Variants in SPTSSA observed in about 807,000 individuals in gnomAD.
SPTSSA encodes small subunit of serine palmitoyltransferase A.
Under a neutral mutation model 9.1 loss-of-function variants are expected in SPTSSA, and 8 were observed. That is an observed-to-expected ratio of 0.88 (90% confidence interval 0.51 to 1.58). The LOEUF (loss-of-function observed/expected upper bound fraction) is 1.58, where lower values mean the gene tolerates loss of function less well. Among genes scored for constraint, SPTSSA ranks in the 40% most tolerant of loss-of-function variants. SPTSSA has a pLI of 0.00. For synonymous variants in SPTSSA, 42 were observed against 37.7 expected, an observed-to-expected ratio of 1.11 and a Z score of -0.41; for missense variants, 100 against 93.8, an observed-to-expected ratio of 1.07 and a Z score of -0.27.
At chr14:34,443,846 T>A (rs1477506821) in intron 1 of SPTSSA, among the ~76,000 whole-genome samples, 1 of 152,080 alleles carries the variant, frequency 6.6e-6, no homozygotes, top group Non-Finnish European at 1.5e-5. Flanking sequence ...GAGTATACTT[T>A]CATAAATAAA....
intron 1 of SPTSSA, among the ~76,000 whole-genome samples, chr14:34,447,921 A>G (rs1395288818): frequency 2.0e-5 from 3 of 152,188 alleles, no homozygotes; most frequent in Admixed American, 2.0e-4. Context: ...CAAAGGTTCC[A>G]GCCAATTCCA....
At chr14:34,450,015 T>A (rs1273505411) in intron 1 of SPTSSA, among the ~76,000 whole-genome samples, 1 of 152,186 alleles carries the variant, frequency 6.6e-6, no homozygotes, top group Non-Finnish European at 1.5e-5. Context: ...GAGACCCAGG[T>A]TTGAGTCATA....
chr14:34,455,439 G>A (rs1262953657), intron 1 of SPTSSA, among the ~76,000 whole-genome samples: 2 of 152,172 alleles, frequency 1.3e-5, no homozygotes, highest in Admixed American at 1.3e-4. Flanking sequence ...AATATCTCAG[G>A]AGAGATGCAT....
At chr14:34,450,386 G>A (rs112352774) in intron 1 of SPTSSA, among the ~76,000 whole-genome samples, 1,661 of 152,142 alleles carry the variant, frequency 0.011, 33 homozygotes, top group African/African-American at 0.038. Context: ...CCTGTCAATC[G>A]TCCATAAAGC....
intron 1 of SPTSSA, among the ~76,000 whole-genome samples, chr14:34,453,198 G>T (rs989828906): frequency 1.3e-5 from 2 of 152,192 alleles, no homozygotes; most frequent in Admixed American, 6.5e-5. Flanking sequence ...CTGCCTGCAG[G>T]GTGAGGATGA....
chr14:34,451,567 C>CA (rs1883523194), intron 1 of SPTSSA, among the ~76,000 whole-genome samples: 1 of 151,926 alleles, frequency 6.6e-6, no homozygotes, highest in South Asian at 2.1e-4. Flanking sequence ...ACTAAAAATA[C>CA]AAAAAATTAG....
intron 1 of SPTSSA, among the ~76,000 whole-genome samples, chr14:34,457,986 AAAAAC>A (rs1878520015): frequency 6.8e-6 from 1 of 147,230 alleles, no homozygotes; most frequent in Non-Finnish European, 1.5e-5. Flanking sequence ...AAAAAAAAAA[AAAAAC>A]AAAGAAAAGA....
At chr14:34,457,612 A>G (rs1878510809) in intron 1 of SPTSSA, among the ~76,000 whole-genome samples, 1 of 152,202 alleles carries the variant, frequency 6.6e-6, no homozygotes, top group Admixed American at 6.5e-5. Flanking sequence ...TGCACATGGA[A>G]AAAGTTCAAA....
At chr14:34,451,426 T>G (rs945704516) in intron 1 of SPTSSA, among the ~76,000 whole-genome samples, 1 of 152,136 alleles carries the variant, frequency 6.6e-6, no homozygotes, top group Non-Finnish European at 1.5e-5. Flanking sequence ...AAATTTCTTT[T>G]GTAAAATCAA....
chr14:34,432,829 T>C lies in SPTSSA; in HGVS notation c.*2372A>G, dbSNP rs1004358225. ...TAATTCTTTAATTAAGATAGGTATA[T>C]TGGGTGTTTTTTTTTTTTAGCCATA... On this transcript the variant is annotated 3_prime_UTR_variant, in exon 2 of 2. Coordinates refer to ENST00000298130, the MANE Select transcript of SPTSSA (RefSeq NM_138288.4). The C allele has an allele frequency of 1.3e-5, 2 of 151,636 alleles. No individual in the cohort carries two copies. The highest frequency in any genetic ancestry group is 4.9e-5 in the African/African-American group (2 of 41,232). 9.4% of individuals were successfully genotyped at this position (151,636 alleles called of 1,614,324 possible).
intron 1 of SPTSSA, among the ~76,000 whole-genome samples, chr14:34,457,588 G>A (rs1878510166): frequency 1.3e-5 from 2 of 152,150 alleles, no homozygotes; most frequent in East Asian, 3.8e-4. Context: ...TTCTCTGTAA[G>A]ATAGAAACAT....
At chr14:34,455,111 G>A (rs1473901811) in intron 1 of SPTSSA, among the ~76,000 whole-genome samples, 1 of 151,928 alleles carries the variant, frequency 6.6e-6, no homozygotes, top group Non-Finnish European at 1.5e-5. Flanking sequence ...ATAGGAGCCG[G>A]GCTAGGTGGC....
intron 1 of SPTSSA, among the ~76,000 whole-genome samples, chr14:34,455,558 T>C (rs1055394413): frequency 6.6e-6 from 1 of 152,158 alleles, no homozygotes; most frequent in African/African-American, 2.4e-5. Context: ...CATAAGGATG[T>C]ATAATCTATT....
chr14:34,435,152 C>T lies in SPTSSA; in HGVS notation c.*49G>A, dbSNP rs976274062. The T allele has an allele frequency of 2.0e-6, 3 of 1,476,484 alleles. No homozygotes were observed. Among genetic ancestry groups the T allele is most frequent in the South Asian group, 1.2e-5 (1 of 85,218 alleles). The allele number at this position is 1,476,484 out of a possible 1,614,324, so 91.5% of individuals were successfully genotyped here. On this transcript the variant is annotated 3_prime_UTR_variant, in exon 2 of 2. Coordinates refer to ENST00000298130, the MANE Select transcript of SPTSSA (RefSeq NM_138288.4). ...ACATCTGATGGTCTCATTCCAACTTCGTAGGGTGGGTCTTCCCCAAGGAAC... is the reference window on the plus strand; with the variant it reads ...ACATCTGATGGTCTCATTCCAACTTTGTAGGGTGGGTCTTCCCCAAGGAAC...
At chr14:34,447,291 T>G (rs964985968) in intron 1 of SPTSSA, among the ~76,000 whole-genome samples, 9 of 151,250 alleles carry the variant, frequency 6.0e-5, no homozygotes, top group African/African-American at 2.2e-4. Flanking sequence ...TCCAGATCAT[T>G]CTTTAATCTA....
chr14:34,459,497 C>G (rs956105935), intron 1 of SPTSSA, among the ~76,000 whole-genome samples: 19 of 148,420 alleles, frequency 1.3e-4, no homozygotes, highest in African/African-American at 4.5e-4. Flanking sequence ...GAAAATTAAT[C>G]TGGCCAGGCG....
At chr14:34,444,889 C>T (rs958478394) in intron 1 of SPTSSA, among the ~76,000 whole-genome samples, 4 of 151,482 alleles carry the variant, frequency 2.6e-5, no homozygotes, top group African/African-American at 2.4e-5. Context: ...GTCAGGAGTT[C>T]GAGACCAGCC....
Position 34,434,487 on chromosome 14 carries a change from T to C in SPTSSA, c.*714A>G, listed in dbSNP as rs1459882885. The stretch of plus-strand genomic sequence containing the variant: ...CATAATAATGCTACTTAACCACCTT[T>C]TGTCTCAAGAATTATCACCAAAGTT... On this transcript the variant is annotated 3_prime_UTR_variant, in exon 2 of 2. Coordinates refer to ENST00000298130, the MANE Select transcript of SPTSSA (RefSeq NM_138288.4). 3.3e-5 allele frequency: 5 copies of C among 152,632 alleles called. No homozygotes were observed. Among genetic ancestry groups the C allele is most frequent in the African/African-American group, 4.8e-5 (2 of 41,464 alleles). 9.5% of individuals were successfully genotyped at this position (152,632 alleles called of 1,614,324 possible).
At chr14:34,454,946 G>C (rs1199283025) in intron 1 of SPTSSA, among the ~76,000 whole-genome samples, 1 of 152,084 alleles carries the variant, frequency 6.6e-6, no homozygotes, top group South Asian at 2.1e-4. Flanking sequence ...AATCAGCCGG[G>C]TGTGGTGGCA....
Sources: gnomAD v4.1 joint callset for allele counts (sites outside exome capture counted in the v4.1 genomes callset) on GRCh38, gnomAD v4.1.1 for gene constraint, MANE v1.5 for transcripts, NCBI Gene and HGNC (gene_info 2026-07-23, HGNC 2026-07-21) for gene names.